The following TBC1D5 variants were observed in gnomAD, a reference collection of about 807,000 sequenced individuals.
TBC1D5 encodes the protein TBC1 domain family, member 5.
TBC1D5 carries 75 observed loss-of-function variants against 100.3 expected under a neutral mutation model. The observed-to-expected ratio is 0.75, with a 90% CI of 0.62 to 0.91. The LOEUF is 0.91. Among genes scored for constraint, TBC1D5 ranks in the 40% least tolerant of loss-of-function variants. TBC1D5 has a pLI of 0.00. For synonymous variants in TBC1D5, 323 were observed against 325.6 expected, an observed-to-expected ratio of 0.99 and a Z score of 0.09; for missense variants, 910 against 942.4, an observed-to-expected ratio of 0.97 and a Z score of 0.45.
intron 2 of TBC1D5, among the ~76,000 whole-genome samples, chr3:17,586,976 G>C (rs1169778253): frequency 6.6e-6 from 1 of 151,778 alleles, no homozygotes. Context: ...ATGGAAATTT[G>C]ACATTTGAAA....
At chr3:17,377,377 T>C (rs531005366) in intron 9 of TBC1D5, among the ~76,000 whole-genome samples, 2 of 152,232 alleles carry the variant, frequency 1.3e-5, no homozygotes, top group African/African-American at 4.8e-5. Context: ...TGATCCATTA[T>C]TGTGGTGACA....
At chr3:17,433,203 T>C (rs973993676) in intron 3 of TBC1D5, among the ~76,000 whole-genome samples, 6 of 152,168 alleles carry the variant, frequency 3.9e-5, no homozygotes, top group African/African-American at 1.4e-4. Context: ...AAGGTGCCTT[T>C]CTCTGTTCCG....
intron 1 of TBC1D5, among the ~76,000 whole-genome samples, chr3:17,710,202 T>C (rs147312319): frequency 3.3e-5 from 5 of 152,116 alleles, no homozygotes; most frequent in Admixed American, 6.6e-5. Flanking sequence ...AGTACAGATA[T>C]AGTGGGGCCT....
chr3:17,304,687 C>T (rs2083217240), intron 14 of TBC1D5, among the ~76,000 whole-genome samples: 1 of 152,150 alleles, frequency 6.6e-6, no homozygotes, highest in African/African-American at 2.4e-5. Flanking sequence ...ATTACAGTTT[C>T]GAGCCACCAT....
intron 1 of TBC1D5, among the ~76,000 whole-genome samples, chr3:17,628,669 T>A (rs2063260592): frequency 1.3e-5 from 2 of 152,216 alleles, no homozygotes; most frequent in African/African-American, 4.8e-5. Context: ...TTATAATATA[T>A]AATCTTTACC....
At chr3:17,724,330 A>G (rs2075948174) in intron 1 of TBC1D5, among the ~76,000 whole-genome samples, 1 of 152,104 alleles carries the variant, frequency 6.6e-6, no homozygotes, top group Non-Finnish European at 1.5e-5. Context: ...ATTGGGCCCA[A>G]GCAATCCTCC....
exon 1 of TBC1D5, chr3:17,740,842 C>G (rs1019095704): frequency 6.6e-6 from 1 of 152,174 alleles, no homozygotes; most frequent in Non-Finnish European, 1.5e-5. Context: ...CATAGCTGAG[C>G]AAGTCTTTCA....
At chr3:17,260,322 G>T (rs966765343) in intron 15 of TBC1D5, among the ~76,000 whole-genome samples, 2 of 152,148 alleles carry the variant, frequency 1.3e-5, no homozygotes, top group African/African-American at 4.8e-5. Flanking sequence ...AATAATGAAA[G>T]AAGGGATCAC....
chr3:17,212,146 C>A (rs2073058853), intron 18 of TBC1D5, among the ~76,000 whole-genome samples: 1 of 152,170 alleles, frequency 6.6e-6, no homozygotes, highest in African/African-American at 2.4e-5. Context: ...ATTACCTTGG[C>A]ATCCTCTTCC....
At chr3:17,380,755 C>T (rs1245598599) in intron 9 of TBC1D5, among the ~76,000 whole-genome samples, 1 of 152,022 alleles carries the variant, frequency 6.6e-6, no homozygotes, top group African/African-American at 2.4e-5. Context: ...TTTAGCCCAC[C>T]AAGCAGTCTT....
At chr3:17,559,330 C>T (rs557288290) in intron 2 of TBC1D5, among the ~76,000 whole-genome samples, 2 of 151,522 alleles carry the variant, frequency 1.3e-5, no homozygotes, top group African/African-American at 2.4e-5. Context: ...TGGTAGAGAT[C>T]GGGTTTCACC....
chr3:17,342,686 C>T (rs965698343), intron 13 of TBC1D5, among the ~76,000 whole-genome samples: 1 of 152,078 alleles, frequency 6.6e-6, no homozygotes, highest in African/African-American at 2.4e-5. Flanking sequence ...AAAAGATACC[C>T]CTAATCTCAT....
intron 3 of TBC1D5, among the ~76,000 whole-genome samples, chr3:17,445,058 C>A (rs954313226): frequency 2.6e-5 from 4 of 152,144 alleles, no homozygotes; most frequent in Non-Finnish European, 5.9e-5. Context: ...ATAATACTGA[C>A]ACTTGCCCTG....
chr3:17,232,163 T>C (rs2075479908), intron 17 of TBC1D5, among the ~76,000 whole-genome samples: 1 of 152,190 alleles, frequency 6.6e-6, no homozygotes, highest in Non-Finnish European at 1.5e-5. Flanking sequence ...ACAGTTACGT[T>C]ACTCCTGTGG....
rs112922778 is a variant in TBC1D5, at chr3:17,376,732, C to T, written c.613-119G>A. The stretch of plus-strand genomic sequence containing the variant: ...TCCCACTAGCAAAATTTCCACATTA[C>T]ATAGAAACACATAAAAACGGAAAGC... On this transcript the variant is annotated intron_variant, in intron 9 of 21. Transcript: ENST00000253692. The T allele has an allele frequency of 9.9e-3, 6,296 of 638,502 alleles. 301 individuals carry two copies. In the African/African-American group the frequency reaches 0.1, roughly 10 times the overall value. 39.6% of individuals were successfully genotyped at this position (638,502 alleles called of 1,614,324 possible).
intron 2 of TBC1D5, among the ~76,000 whole-genome samples, chr3:17,537,768 A>G (rs1576584303): frequency 2.6e-5 from 4 of 152,352 alleles, no homozygotes; most frequent in Admixed American, 2.0e-4. Flanking sequence ...ATAATATTCC[A>G]TTATATGTAT....
chr3:17,477,032 G>C (rs564712943), intron 3 of TBC1D5, among the ~76,000 whole-genome samples: 71 of 151,902 alleles, frequency 4.7e-4, no homozygotes, highest in African/African-American at 1.6e-3. Flanking sequence ...AAGGATTTTA[G>C]TGTAATTCTT....
chr3:17,416,824 C>G (rs2094086663), intron 4 of TBC1D5, among the ~76,000 whole-genome samples: 1 of 152,106 alleles, frequency 6.6e-6, no homozygotes, highest in African/African-American at 2.4e-5. Flanking sequence ...ATGACAGGGT[C>G]ATTTCTATTG....
chr3:17,638,537 T>G (rs150454964), intron 1 of TBC1D5, among the ~76,000 whole-genome samples: 1 of 152,296 alleles, frequency 6.6e-6, no homozygotes, highest in Admixed American at 6.5e-5. Flanking sequence ...AAAATTGCCC[T>G]GTGACTAATT....
Sources: gnomAD v4.1 joint callset for allele counts (sites outside exome capture counted in the v4.1 genomes callset) on GRCh38, gnomAD v4.1.1 for gene constraint, MANE v1.5 for transcripts, NCBI Gene and HGNC (gene_info 2026-07-23, HGNC 2026-07-21) for gene names.